CSMD1: variants seen among roughly 807,000 people sequenced by gnomAD.
The protein encoded by CSMD1 is CUB and Sushi multiple domains 1, also known as CUB and sushi domain-containing protein 1.
CSMD1 carries 213 observed loss-of-function variants against 417.5 expected under a neutral mutation model. The observed-to-expected ratio is 0.51, with a 90% CI of 0.46 to 0.57. CSMD1 has a LOEUF of 0.57. CSMD1 is among the 20% of genes least tolerant of loss of function. The pLI is 0.00. For missense variants in CSMD1, 6,923 were observed against 4,529.7 expected, an observed-to-expected ratio of 1.53 and a Z score of -15.17; for synonymous variants, 2,862 against 1,736.8, an observed-to-expected ratio of 1.65 and a Z score of -16.11.
intron 3 of CSMD1, among the ~76,000 whole-genome samples, chr8:4,050,783 G>T (rs1292076755): frequency 6.6e-6 from 1 of 152,064 alleles, no homozygotes; most frequent in Non-Finnish European, 1.5e-5. Context: ...ATAAAATTCA[G>T]AGTCCCTGAA....
chr8:3,809,379 G>T (rs979808426), intron 5 of CSMD1, among the ~76,000 whole-genome samples: 1 of 152,140 alleles, frequency 6.6e-6, no homozygotes, highest in Non-Finnish European at 1.5e-5. Flanking sequence ...TACTCACTAG[G>T]CTCTGTTTCA....
At chr8:4,273,730 T>C (rs917882742) in intron 3 of CSMD1, among the ~76,000 whole-genome samples, 6 of 152,164 alleles carry the variant, frequency 3.9e-5, no homozygotes, top group Admixed American at 1.3e-4. Flanking sequence ...AGCTAGACCA[T>C]CTGGGTCAAA....
chr8:3,147,000 T>C (rs1288507647), intron 40 of CSMD1, among the ~76,000 whole-genome samples: 1 of 152,156 alleles, frequency 6.6e-6, no homozygotes, highest in Non-Finnish European at 1.5e-5. Flanking sequence ...CCCATATATT[T>C]TTCTTCAAGA....
intron 26 of CSMD1, among the ~76,000 whole-genome samples, chr8:3,235,674 A>G (rs1458004553): frequency 1.3e-5 from 2 of 152,164 alleles, no homozygotes; most frequent in Non-Finnish European, 2.9e-5. Flanking sequence ...AGTCCACAGA[A>G]TATCAGTAGA....
intron 2 of CSMD1, among the ~76,000 whole-genome samples, chr8:4,560,002 G>C (rs2130606537): frequency 6.6e-6 from 1 of 152,310 alleles, no homozygotes; most frequent in South Asian, 2.1e-4. Context: ...TGCTTCAAGA[G>C]AAACTGTGGT....
At chr8:4,663,837 C>T (rs1395051288) in intron 1 of CSMD1, among the ~76,000 whole-genome samples, 2 of 152,198 alleles carry the variant, frequency 1.3e-5, no homozygotes, top group African/African-American at 4.8e-5. Context: ...CCAGGATCGT[C>T]AGACACTTCA....
intron 3 of CSMD1, among the ~76,000 whole-genome samples, chr8:4,132,269 T>C (rs974420858): frequency 6.6e-6 from 1 of 151,686 alleles, no homozygotes. Context: ...TTATGAAAAT[T>C]TTATCCAAGG....
At chr8:4,711,272 G>C (rs2725081) in intron 1 of CSMD1, among the ~76,000 whole-genome samples, 137,712 of 152,164 alleles carry the variant, frequency 0.91, 62,472 homozygotes, top group East Asian at 0.99. Context: ...ACTTATAAAA[G>C]AGCACTTGTT....
chr8:4,718,247 G>C (rs1027091536), intron 1 of CSMD1, among the ~76,000 whole-genome samples: 1 of 152,158 alleles, frequency 6.6e-6, no homozygotes, highest in Non-Finnish European at 1.5e-5. Context: ...AAAATGTTGG[G>C]ATTACAGGTG....
intron 46 of CSMD1, among the ~76,000 whole-genome samples, chr8:3,101,142 T>C (rs1815707001): frequency 6.6e-6 from 1 of 151,866 alleles, no homozygotes; most frequent in Non-Finnish European, 1.5e-5. Flanking sequence ...AACCTGACGT[T>C]GAAGACCTTT....
intron 36 of CSMD1, among the ~76,000 whole-genome samples, chr8:3,181,892 A>C (rs1011224566): frequency 3.9e-5 from 6 of 152,240 alleles, no homozygotes; most frequent in Non-Finnish European, 7.3e-5. Context: ...GTGCTGAGGA[A>C]AAGAAAATCG....
chr8:4,033,441 C>A (rs1389658782), intron 3 of CSMD1, among the ~76,000 whole-genome samples: 1 of 151,992 alleles, frequency 6.6e-6, no homozygotes, highest in Non-Finnish European at 1.5e-5. Context: ...GACTCCGCCT[C>A]AAAAAAACAA....
chr8:3,361,203 G>A (rs1809141608), intron 20 of CSMD1, among the ~76,000 whole-genome samples: 1 of 152,036 alleles, frequency 6.6e-6, no homozygotes, highest in South Asian at 2.1e-4. Flanking sequence ...TTACTTTTTA[G>A]AACATATTAA....
At chr8:3,850,980 A>G (rs868548768) in intron 5 of CSMD1, among the ~76,000 whole-genome samples, 12 of 152,222 alleles carry the variant, frequency 7.9e-5, no homozygotes, top group African/African-American at 2.4e-4. Flanking sequence ...GATGAGTATA[A>G]TAAGTGCTTC....
At chr8:4,930,635 G>C (rs530364943) in intron 1 of CSMD1, among the ~76,000 whole-genome samples, 3 of 152,132 alleles carry the variant, frequency 2.0e-5, no homozygotes, top group African/African-American at 4.8e-5. Flanking sequence ...CCAAAGACTG[G>C]TTCCTACCAA....
At chr8:4,226,812 G>C (rs908298848) in intron 3 of CSMD1, among the ~76,000 whole-genome samples, 2 of 152,204 alleles carry the variant, frequency 1.3e-5, no homozygotes, top group Admixed American at 6.5e-5. Context: ...CAAGAGTAAA[G>C]TTGGGTTGTT....
At chr8:3,499,757 C>G (rs1043255943) in intron 10 of CSMD1, among the ~76,000 whole-genome samples, 10 of 151,932 alleles carry the variant, frequency 6.6e-5, no homozygotes, top group Non-Finnish European at 1.5e-5. Flanking sequence ...GGGTCATAGT[C>G]CTGCATCCTT....
At chr8:4,868,492 T>A (rs1308120344) in intron 1 of CSMD1, among the ~76,000 whole-genome samples, 2 of 152,066 alleles carry the variant, frequency 1.3e-5, no homozygotes, top group Non-Finnish European at 2.9e-5. Flanking sequence ...TGCCTCGGTC[T>A]CCCAAAGTGC....
At chr8:4,431,088 T>A (rs1797845522) in intron 2 of CSMD1, among the ~76,000 whole-genome samples, 1 of 152,162 alleles carries the variant, frequency 6.6e-6, no homozygotes, top group Non-Finnish European at 1.5e-5. Flanking sequence ...TCATTAGTGT[T>A]AATATATTTA....
Sources: gnomAD v4.1 joint callset for allele counts (sites outside exome capture counted in the v4.1 genomes callset) on GRCh38, gnomAD v4.1.1 for gene constraint, MANE v1.5 for transcripts, NCBI Gene and HGNC (gene_info 2026-07-23, HGNC 2026-07-21) for gene names.